CTNNA2: variants seen among roughly 807,000 people sequenced by gnomAD.
CTNNA2 encodes catenin alpha-2.
CTNNA2 carries 42 observed loss-of-function variants against 101.0 expected under a neutral mutation model. The observed-to-expected ratio is 0.42, with a 90% CI of 0.32 to 0.54. The LOEUF (loss-of-function observed/expected upper bound fraction) is 0.54, where lower values mean the gene tolerates loss of function less well. Ranked by LOEUF, CTNNA2 falls within the 20% of genes least tolerant of loss-of-function variation. CTNNA2 has a pLI of 0.14. For missense variants in CTNNA2, 871 were observed against 1,223.1 expected (o/e 0.71, Z 4.29); for synonymous variants, 450 against 456.4 (o/e 0.99, Z 0.18).
intron 7 of CTNNA2, among the ~76,000 whole-genome samples, chr2:79,912,478 G>C (rs1323703629): frequency 6.6e-6 from 1 of 152,230 alleles, no homozygotes; most frequent in East Asian, 1.9e-4. Flanking sequence ...GCAACTTGAA[G>C]ATGTCAACAG....
At chr2:80,606,412 A>ACACACACC (rs1011187162) in intron 16 of CTNNA2, among the ~76,000 whole-genome samples, 2 of 48,652 alleles carry the variant, frequency 4.1e-5, no homozygotes, top group East Asian at 4.9e-4. Context: ...ACACACACAC[A>ACACACACC]CCCCCCAGGA....
At chr2:79,278,722 C>A (rs1377448304) in intron 2 of CTNNA2, among the ~76,000 whole-genome samples, 1 of 152,086 alleles carries the variant, frequency 6.6e-6, no homozygotes, top group African/African-American at 2.4e-5. Flanking sequence ...TTGCCTAGAC[C>A]AACTTGAATT....
At chr2:80,550,425 C>T (rs930250753) in intron 11 of CTNNA2, among the ~76,000 whole-genome samples, 2 of 152,082 alleles carry the variant, frequency 1.3e-5, no homozygotes, top group African/African-American at 2.4e-5. Flanking sequence ...AAGTTTGATG[C>T]GTTGATTGAC....
intron 3 of CTNNA2, among the ~76,000 whole-genome samples, chr2:79,759,722 C>G (rs1287511224): frequency 6.6e-6 from 1 of 152,146 alleles, no homozygotes; most frequent in Admixed American, 6.6e-5. Flanking sequence ...GGGCTCTGAA[C>G]TGAGCTTTGT....
At chr2:79,366,535 C>A (rs1287402796) in intron 3 of CTNNA2, among the ~76,000 whole-genome samples, 2 of 152,136 alleles carry the variant, frequency 1.3e-5, no homozygotes, top group East Asian at 3.9e-4. Context: ...GAGTTTACAA[C>A]CCTTGTTCAT....
intron 9 of CTNNA2, among the ~76,000 whole-genome samples, chr2:80,460,354 A>G (rs1684324312): frequency 6.6e-6 from 1 of 152,130 alleles, no homozygotes; most frequent in African/African-American, 2.4e-5. Flanking sequence ...TATCTTGTTC[A>G]TTTCTTATGC....
At chr2:80,556,521 C>T (rs904504814) in intron 12 of CTNNA2, among the ~76,000 whole-genome samples, 4 of 152,164 alleles carry the variant, frequency 2.6e-5, no homozygotes, top group Non-Finnish European at 5.9e-5. Context: ...GCTCACAGGA[C>T]TCACTGCTAT....
At chr2:80,534,552 G>A (rs191155782) in intron 9 of CTNNA2, among the ~76,000 whole-genome samples, 38 of 152,258 alleles carry the variant, frequency 2.5e-4, no homozygotes, top group Middle Eastern at 3.4e-3. Context: ...GGTAAAGTAG[G>A]GATTCTGTCC....
intron 3 of CTNNA2, among the ~76,000 whole-genome samples, chr2:79,825,870 A>G (rs1264930816): frequency 6.6e-6 from 1 of 152,204 alleles, no homozygotes; most frequent in Non-Finnish European, 1.5e-5. Flanking sequence ...CCTTGGATAA[A>G]TGAGGATTGC....
intron 8 of CTNNA2, among the ~76,000 whole-genome samples, chr2:80,410,293 T>C (rs1679454038): frequency 6.6e-6 from 1 of 152,244 alleles, no homozygotes; most frequent in Admixed American, 6.5e-5. Flanking sequence ...GACTGTGTGC[T>C]CCCACGAAAT....
intron 7 of CTNNA2, among the ~76,000 whole-genome samples, chr2:80,293,400 T>C (rs1394973350): frequency 6.6e-6 from 1 of 152,186 alleles, no homozygotes; most frequent in Non-Finnish European, 1.5e-5. Flanking sequence ...ATGCTGATGG[T>C]GAACACCTAA....
chr2:80,244,884 C>T (rs764631825), intron 7 of CTNNA2, among the ~76,000 whole-genome samples: 3 of 152,186 alleles, frequency 2.0e-5, no homozygotes, highest in Non-Finnish European at 4.4e-5. Context: ...CAGAGAAATA[C>T]GAAAATCCAC....
At chr2:80,043,498 C>G (rs547503553) in intron 7 of CTNNA2, among the ~76,000 whole-genome samples, 16 of 152,158 alleles carry the variant, frequency 1.1e-4, no homozygotes, top group Non-Finnish European at 1.9e-4. Context: ...GCGCCCTGCC[C>G]CTGCATTCAT....
chr2:80,510,389 A>G (rs1012399312), intron 9 of CTNNA2, among the ~76,000 whole-genome samples: 9 of 152,114 alleles, frequency 5.9e-5, no homozygotes, highest in Non-Finnish European at 1.3e-4. Context: ...CTCCTTATTG[A>G]TTATCTGACA....
intron 4 of CTNNA2, among the ~76,000 whole-genome samples, chr2:79,440,526 G>C (rs1470989352): frequency 6.6e-6 from 1 of 152,054 alleles, no homozygotes; most frequent in Non-Finnish European, 1.5e-5. Context: ...TTTGTTGTTT[G>C]TTTTCTGAAG....
chr2:80,526,154 G>C (rs1206074175), intron 9 of CTNNA2, among the ~76,000 whole-genome samples: 2 of 152,010 alleles, frequency 1.3e-5, no homozygotes, highest in African/African-American at 4.8e-5. Flanking sequence ...CCTTACTCTG[G>C]TATGACCTCA....
chr2:79,689,652 A>T (rs1684161379), intron 2 of CTNNA2, among the ~76,000 whole-genome samples: 1 of 152,082 alleles, frequency 6.6e-6, no homozygotes, highest in Non-Finnish European at 1.5e-5. Context: ...ACCACAAAAG[A>T]TGTAGATATT....
At chr2:79,818,925 A>C (rs1427966756) in intron 3 of CTNNA2, among the ~76,000 whole-genome samples, 1 of 144,836 alleles carries the variant, frequency 6.9e-6, no homozygotes, top group Non-Finnish European at 1.5e-5. Flanking sequence ...ACACACATAC[A>C]CACAAAAGTA....
rs573741330 is a variant in CTNNA2 at position 79,494,945 on chromosome 2, C to CA, written c.-134-10101dup. 6.7e-3 allele frequency among the ~76,000 whole-genome samples: 1,017 copies of CA among 151,562 alleles called. 15 individuals carry two copies. Among genetic ancestry groups the CA allele is most frequent in the African/African-American group, 0.023 (935 of 41,328 alleles). On this transcript the variant is annotated intron_variant, in intron 4 of 21. Transcript: ENST00000466387. ...CTAACACGGTTCTCTACTAAAAATA[C>CA]AAAAAAAATTAGCTGGGCGTGGTTG...
Sources: allele counts gnomAD v4.1 joint callset (sites outside exome capture counted in the v4.1 genomes callset), GRCh38; gene constraint gnomAD v4.1.1; transcripts MANE v1.5; gene names NCBI Gene and HGNC (gene_info 2026-07-23, HGNC 2026-07-21).